The following PCDHA8 variants were observed in gnomAD, a reference collection of about 807,000 sequenced individuals.
The protein encoded by PCDHA8 is protocadherin alpha-8.
In PCDHA8, 53 loss-of-function variants were observed where a neutral mutation model predicts 61.8. The observed-to-expected ratio is 0.86, with a 90% CI of 0.69 to 1.08. The LOEUF is 1.08. PCDHA8 is among the 50% of genes least tolerant of loss of function. The pLI is 0.00. For synonymous variants in PCDHA8, 618 were observed against 556.6 expected, an observed-to-expected ratio of 1.11 and a Z score of -1.55; for missense variants, 1,293 against 1,245.0, an observed-to-expected ratio of 1.04 and a Z score of -0.58.
chr5:141,000,389 C>CTA (rs2097911342), intron 3 of PCDHA8, among the ~76,000 whole-genome samples: 14 of 62,576 alleles, frequency 2.2e-4, no homozygotes, highest in South Asian at 6.5e-4. Context: ...CTCTCTCTCT[C>CTA]TCTCTCTATA....
intron 1 of PCDHA8, among the ~76,000 whole-genome samples, chr5:140,926,141 A>G (rs2082938262): frequency 6.6e-6 from 1 of 152,038 alleles, no homozygotes; most frequent in Non-Finnish European, 1.5e-5. Flanking sequence ...AGCAGGATCC[A>G]GCGCGGAAAG....
At chr5:140,871,649 G>T (rs781859029) in intron 1 of PCDHA8, 1 of 1,265,824 alleles carries the variant, frequency 7.9e-7, no homozygotes, top group Admixed American at 2.9e-5. Flanking sequence ...AATACCAAAT[G>T]ATACACATCT....
chr5:140,841,882 T>C lies in PCDHA8; in HGVS notation c.561T>C (p.Asp187=), dbSNP rs2150324666. Residue 187 remains aspartate, a synonymous_variant, in exon 1 of 4, where the codon GAT becomes GAC. Transcript: ENST00000531613. ...TGCTAGATGTGAATTCAAAGAACGA[T>C]GAGAATAAACTGGTTGAGCTCGTAT... ...YFMLDVNSKN[D]ENKLVELVLR... is the part of the protein sequence containing the mutation. 2 of 1,613,800 alleles carry C rather than the reference T, an allele frequency of 1.2e-6. No homozygotes were observed. The highest frequency in any genetic ancestry group is 4.5e-5 in the East Asian group (2 of 44,874).
intron 1 of PCDHA8, among the ~76,000 whole-genome samples, chr5:140,937,364 T>C (rs1471697724): frequency 6.6e-6 from 1 of 152,150 alleles, no homozygotes; most frequent in African/African-American, 2.4e-5. Flanking sequence ...TATTTTATCT[T>C]AATGTTTATG....
At chr5:140,870,919 C>G in intron 1 of PCDHA8, 1 of 1,613,952 alleles carries the variant, frequency 6.2e-7, no homozygotes, top group South Asian at 1.1e-5. Context: ...CAACGCGTGG[C>G]TTTCATATGA....
intron 3 of PCDHA8, among the ~76,000 whole-genome samples, chr5:140,984,162 C>A (rs2097089666): frequency 6.6e-6 from 1 of 152,150 alleles, no homozygotes; most frequent in Non-Finnish European, 1.5e-5. Context: ...GAGAACTTCC[C>A]AAAGAAGCCA....
intron 1 of PCDHA8, chr5:140,928,862 G>A (rs1554206427): frequency 1.2e-6 from 2 of 1,614,166 alleles, no homozygotes; most frequent in Admixed American, 1.7e-5. Context: ...GTGCTGTTGA[G>A]CAACTCTGTC....
At chr5:140,927,489 C>T (rs147183638) in intron 1 of PCDHA8, 63 of 1,614,126 alleles carry the variant, frequency 3.9e-5, no homozygotes, top group Non-Finnish European at 4.8e-5. Flanking sequence ...GCGCCACCCA[C>T]CTGCTGGTGC....
Position 140,893,497 on chromosome 5 carries a change from GA to G in PCDHA8, c.2394+49791del, listed in dbSNP as rs1157700367. Among the ~76,000 whole-genome samples the G allele has an allele frequency of 3.1e-4, 47 of 150,168 alleles. No individual in the cohort carries two copies. The Middle Eastern group carries it at 0.01, about 33-fold the overall frequency. ...GCAAGACCCTGTTCTTCACAAAAAAGAAAAAAAAAGCAGTTGTAGAACTCCT... is the reference window on the plus strand; with the variant it reads ...GCAAGACCCTGTTCTTCACAAAAAAGAAAAAAAAGCAGTTGTAGAACTCCT... On this transcript the variant is annotated intron_variant, in intron 1 of 3. Transcript: ENST00000531613.
At chr5:140,876,315 C>T in intron 1 of PCDHA8, 1 of 1,613,958 alleles carries the variant, frequency 6.2e-7, no homozygotes, top group South Asian at 1.1e-5. Flanking sequence ...CCTATGGGAT[C>T]AAAATGATTT....
At chr5:140,950,389 T>C (rs269550) in intron 1 of PCDHA8, among the ~76,000 whole-genome samples, 33,984 of 151,960 alleles carry the variant, frequency 0.22, 4,900 homozygotes, top group African/African-American at 0.41. Context: ...TTGAATGATA[T>C]AGAATTCTGG....
chr5:140,913,082 C>G (rs2076197049), intron 1 of PCDHA8, among the ~76,000 whole-genome samples: 1 of 152,108 alleles, frequency 6.6e-6, no homozygotes, highest in African/African-American at 2.4e-5. Context: ...TGTTTGGTAT[C>G]AGGATAATAC....
rs573174481 is a variant in PCDHA8 at position 140,990,482 on chromosome 5, T to C, written c.2542+7919T>C. Among the ~76,000 whole-genome samples, 3 of 152,318 alleles carry C rather than the reference T, an allele frequency of 2.0e-5. No homozygotes were observed. In the South Asian group the frequency reaches 6.2e-4, roughly 32 times the overall value. On this transcript the variant is annotated intron_variant, in intron 3 of 3. Transcript: ENST00000531613. ...AGGTGGTATCATGTATCAAGCTGAA[T>C]AGTGAGGTGACATTCCCCAAGTCTT... is the stretch of plus-strand genomic sequence containing the variant.
intron 1 of PCDHA8, chr5:140,876,621 A>G: frequency 6.2e-7 from 1 of 1,614,120 alleles, no homozygotes; most frequent in Non-Finnish European, 8.5e-7. Context: ...GAGCCAATGG[A>G]CAGGTCATCT....
At chr5:140,913,317 TTGTA>T (rs1269286947) in intron 1 of PCDHA8, among the ~76,000 whole-genome samples, 2 of 152,152 alleles carry the variant, frequency 1.3e-5, no homozygotes, top group African/African-American at 4.8e-5. Flanking sequence ...CCTTGGTAAG[TTGTA>T]TGTGTCTAGG....
intron 1 of PCDHA8, among the ~76,000 whole-genome samples, chr5:140,878,601 T>A (rs1409343825): frequency 6.6e-6 from 1 of 152,224 alleles, no homozygotes; most frequent in African/African-American, 2.4e-5. Flanking sequence ...ACCAAGTGAA[T>A]CTTCTAATGT....
At chr5:140,931,779 T>G (rs1298337220) in intron 1 of PCDHA8, among the ~76,000 whole-genome samples, 1 of 152,006 alleles carries the variant, frequency 6.6e-6, no homozygotes, top group African/African-American at 2.4e-5. Context: ...CCTGTTCAAT[T>G]ACCTATTGAT....
chr5:140,926,928 G>T, intron 1 of PCDHA8: 1 of 1,574,878 alleles, frequency 6.3e-7, no homozygotes, highest in Non-Finnish European at 8.6e-7. Flanking sequence ...TATGTTTGTG[G>T]GTTTCCTGCG....
In PCDHA8 at chr5:141,000,775, C is replaced by T. The variant is rs919489031; in HGVS notation, c.2543-8852C>T. 3.3e-5 allele frequency among the ~76,000 whole-genome samples: 5 copies of T among 151,752 alleles called. No homozygotes were observed. In the East Asian group the frequency reaches 5.8e-4, roughly 18 times the overall value. On this transcript the variant is annotated intron_variant, in intron 3 of 3. Transcript: ENST00000531613. ...AAAAAATCTTAGCCAGGCATAGTGG[C>T]GCACACCTGTATTCCTAGCTACTCA...
Sources: allele counts gnomAD v4.1 joint callset (sites outside exome capture counted in the v4.1 genomes callset), GRCh38; gene constraint gnomAD v4.1.1; transcripts MANE v1.5; gene names NCBI Gene and HGNC (gene_info 2026-07-23, HGNC 2026-07-21).